Variants in CBR4 observed in about 807,000 individuals in gnomAD.
CBR4 encodes the protein 3-oxoacyl-[acyl-carrier-protein] reductase.
Under a neutral mutation model 21.0 loss-of-function variants are expected in CBR4, and 22 were observed. The ratio of observed to expected loss-of-function variants is 1.05; its 90% CI spans 0.75 to 1.50. The LOEUF is 1.50. Ranked by LOEUF, CBR4 falls within the 40% of genes most tolerant of loss-of-function variation. The pLI is 0.00. For missense variants in CBR4, 302 were observed against 286.3 expected, an observed-to-expected ratio of 1.05 and a Z score of -0.40; for synonymous variants, 100 against 104.4, an observed-to-expected ratio of 0.96 and a Z score of 0.26.
At chr4:168,978,550 A>T (rs1732080543) in intron 2 of CBR4, among the ~76,000 whole-genome samples, 1 of 152,184 alleles carries the variant, frequency 6.6e-6, no homozygotes, top group Non-Finnish European at 1.5e-5. Context: ...GGTGAATAAG[A>T]GCCCCAGGAA....
At chr4:168,931,454 T>C (rs1762967020) in intron 2 of CBR4, among the ~76,000 whole-genome samples, 1 of 150,276 alleles carries the variant, frequency 6.7e-6, no homozygotes, top group African/African-American at 2.5e-5. Context: ...TAACTTCCAG[T>C]AGACACACCC....
chr4:168,946,002 G>C (rs1195598399), intron 2 of CBR4, among the ~76,000 whole-genome samples: 1 of 152,110 alleles, frequency 6.6e-6, no homozygotes, highest in Non-Finnish European at 1.5e-5. Flanking sequence ...AAAATTAGTT[G>C]ATTTTGGTAC....
chr4:168,977,345 A>G (rs1168662942), intron 2 of CBR4, among the ~76,000 whole-genome samples: 2 of 152,136 alleles, frequency 1.3e-5, no homozygotes, highest in African/African-American at 4.8e-5. Flanking sequence ...AGCTTCTAGC[A>G]CTCAGCTTTC....
intron 3 of CBR4, among the ~76,000 whole-genome samples, chr4:169,003,904 A>G (rs929026114): frequency 6.6e-6 from 1 of 151,996 alleles, no homozygotes; most frequent in African/African-American, 2.4e-5. Context: ...ATGAGAACAC[A>G]TGGACACAGG....
chr4:168,981,228 A>T (rs1248193138), intron 2 of CBR4, among the ~76,000 whole-genome samples: 1 of 151,838 alleles, frequency 6.6e-6, no homozygotes, highest in African/African-American at 2.4e-5. Flanking sequence ...GGTGAAACCC[A>T]GTCTCTACTA....
At chr4:168,910,431 C>T (rs1405241532) in intron 2 of CBR4, among the ~76,000 whole-genome samples, 1 of 152,038 alleles carries the variant, frequency 6.6e-6, no homozygotes, top group Non-Finnish European at 1.5e-5. Flanking sequence ...AGTCTGCCTC[C>T]TGTGCCAAAG....
intron 2 of CBR4, among the ~76,000 whole-genome samples, chr4:168,935,636 A>C (rs1051455402): frequency 1.3e-5 from 2 of 152,186 alleles, no homozygotes; most frequent in Non-Finnish European, 2.9e-5. Flanking sequence ...GTATAAAAAA[A>C]AGCCTCCAGG....
chr4:168,906,591 C>A (rs1306960328), intron 2 of CBR4, among the ~76,000 whole-genome samples: 1 of 152,086 alleles, frequency 6.6e-6, no homozygotes, highest in East Asian at 1.9e-4. Context: ...CAAATATATA[C>A]AATTATAATT....
chr4:168,935,300 C>T (rs1055807583), intron 2 of CBR4, among the ~76,000 whole-genome samples: 1 of 152,200 alleles, frequency 6.6e-6, no homozygotes, highest in Non-Finnish European at 1.5e-5. Context: ...GCCTGTGCCA[C>T]CAAGGCCCTG....
At chr4:168,992,118 G>A (rs1393676181) in intron 4 of CBR4, among the ~76,000 whole-genome samples, 2 of 152,144 alleles carry the variant, frequency 1.3e-5, no homozygotes, top group African/African-American at 2.4e-5. Flanking sequence ...TAAAAGTCTT[G>A]TGAAAAATAT....
chr4:169,007,732 T>C lies in CBR4; in HGVS notation c.167A>G (p.Asp56Gly). The change falls in exon 2 of 5, where the codon GAT (aspartate) becomes GGT (glycine). Residue 56 changes from aspartate (D) to glycine (G), a missense_variant. Transcript: ENST00000306193. ...TTGAACATCATGTTCTTTAGCAACA[T>C]CACAGCTAAATGCCAAATGATCTCC... ...LGGDHLAFSC[D>G]VAKEHDVQNT... 1 of 1,586,278 alleles carries C rather than the reference T, an allele frequency of 6.3e-7. No individual in the cohort carries two copies. The highest frequency in any genetic ancestry group is 8.6e-7 in the Non-Finnish European group (1 of 1,168,978).
At chr4:168,926,464 AG>A (rs1762591530) in intron 2 of CBR4, 2 of 994,656 alleles carry the variant, frequency 2.0e-6, no homozygotes, top group Non-Finnish European at 3.0e-6. Flanking sequence ...ATTATGTAAA[AG>A]GCAGAAACAT....
chr4:168,969,413 G>A (rs1764137960), intron 2 of CBR4, among the ~76,000 whole-genome samples: 1 of 152,092 alleles, frequency 6.6e-6, no homozygotes, highest in Non-Finnish European at 1.5e-5. Flanking sequence ...ATGGCTCATG[G>A]GATTTTGCAA....
At chr4:168,914,022 G>C in intron 2 of CBR4, 1 of 1,557,266 alleles carries the variant, frequency 6.4e-7, no homozygotes. Context: ...ATGTCAGAAG[G>C]TATTTAACAT....
rs919591748 is a variant in CBR4 at position 168,902,834 on chromosome 4, T to C, written n.170-8069A>G. On this transcript the variant is annotated intron_variant and non_coding_transcript_variant, in intron 2 of 3. Coordinates refer to the CBR4 transcript ENST00000509108. ...TCACCTAGGCTGGAGTGCAATGGCA[T>C]GATCATGGCTCACTACAGCCTCAAC... 2.6e-5 allele frequency among the ~76,000 whole-genome samples: 4 copies of C among 152,316 alleles called. No individual in the cohort carries two copies. The East Asian group carries it at 5.8e-4, about 22-fold the overall frequency.
chr4:168,927,499 C>T (rs917030451), intron 2 of CBR4: 3 of 232,038 alleles, frequency 1.3e-5, no homozygotes, highest in Admixed American at 5.6e-5. Flanking sequence ...ATTGAGACTG[C>T]ATGGTGGCAT....
At chr4:168,946,582 T>G (rs2126691040) in intron 2 of CBR4, among the ~76,000 whole-genome samples, 1 of 143,196 alleles carries the variant, frequency 7.0e-6, no homozygotes, top group East Asian at 2.2e-4. Flanking sequence ...TAAAGTAATG[T>G]CACTCTTCCA....
intron 2 of CBR4, among the ~76,000 whole-genome samples, chr4:168,981,303 G>T (rs12642965): frequency 6.6e-6 from 1 of 152,102 alleles, no homozygotes; most frequent in African/African-American, 2.4e-5. Context: ...GGAGGTTGAG[G>T]CAGGAAAATT....
At chr4:168,941,362 T>C (rs930091969) in intron 2 of CBR4, among the ~76,000 whole-genome samples, 2 of 152,120 alleles carry the variant, frequency 1.3e-5, no homozygotes, top group South Asian at 4.1e-4. Flanking sequence ...CATGATCAAG[T>C]AGGATATATC....
Sources: allele counts gnomAD v4.1 joint callset (sites outside exome capture counted in the v4.1 genomes callset), GRCh38; gene constraint gnomAD v4.1.1; transcripts MANE v1.5; gene names NCBI Gene and HGNC (gene_info 2026-07-23, HGNC 2026-07-21).